COL5A2: variants seen among roughly 807,000 people sequenced by gnomAD.
COL5A2 encodes the protein collagen alpha-2(V) chain.
Under a neutral mutation model 208.2 loss-of-function variants are expected in COL5A2, and 23 were observed. The observed-to-expected ratio is 0.11, with a 90% CI of 0.08 to 0.16. COL5A2 has a LOEUF of 0.16. COL5A2 is among the 10% of genes least tolerant of loss of function. COL5A2 has a pLI of 1.00. For synonymous variants in COL5A2, 625 were observed against 628.5 expected, an observed-to-expected ratio of 0.99 and a Z score of 0.08; for missense variants, 1,590 against 1,956.4, an observed-to-expected ratio of 0.81 and a Z score of 3.53.
At chr2:189,406,530 C>T in the COL5A2 span, among the ~76,000 whole-genome samples, 9 of 152,114 alleles carry the variant, frequency 5.9e-5, no homozygotes, top group Non-Finnish European at 8.8e-5. Flanking sequence ...TCAAGTTCTT[C>T]TCCCTGCTAA....
the COL5A2 span, among the ~76,000 whole-genome samples, chr2:189,371,848 A>T: frequency 6.6e-6 from 1 of 152,248 alleles, no homozygotes; most frequent in Non-Finnish European, 1.5e-5. Context: ...CATTTTCAGG[A>T]TTGGAATACA....
the COL5A2 span, among the ~76,000 whole-genome samples, chr2:189,415,746 G>T: frequency 6.6e-6 from 1 of 152,068 alleles, no homozygotes; most frequent in Admixed American, 6.5e-5. Flanking sequence ...TGCAAGCTCC[G>T]CCTCCCAGGT....
the COL5A2 span, among the ~76,000 whole-genome samples, chr2:189,359,107 T>A: frequency 6.6e-6 from 1 of 152,196 alleles, no homozygotes; most frequent in Non-Finnish European, 1.5e-5. Flanking sequence ...ATTATTATGA[T>A]GAGTAGAAGT....
chr2:189,179,993 C>A, upstream of COL5A2: 1 of 423,918 alleles, frequency 2.4e-6, no homozygotes, highest in South Asian at 6.6e-5. Context: ...ACATTTGTTT[C>A]TCTTTTCTTT....
At chr2:189,187,709 G>A (rs555116496) in intron 1 of COL5A2, among the ~76,000 whole-genome samples, 94 of 152,070 alleles carry the variant, frequency 6.2e-4, no homozygotes, top group Non-Finnish European at 1.2e-3. Context: ...GGTGGCTCAC[G>A]CCTGTAATCC....
At chr2:189,252,625 G>T in the COL5A2 span, among the ~76,000 whole-genome samples, 3 of 151,938 alleles carry the variant, frequency 2.0e-5, no homozygotes, top group African/African-American at 7.3e-5. Flanking sequence ...GGTGGGGGGA[G>T]TGGGGAGGGA....
chr2:189,302,813 G>A, the COL5A2 span, among the ~76,000 whole-genome samples: 1 of 152,108 alleles, frequency 6.6e-6, no homozygotes, highest in South Asian at 2.1e-4. Flanking sequence ...TAGCTGGCTA[G>A]GTTATCAGAT....
chr2:189,277,551 G>A, the COL5A2 span, among the ~76,000 whole-genome samples: 1 of 152,190 alleles, frequency 6.6e-6, no homozygotes, highest in African/African-American at 2.4e-5. Flanking sequence ...TTAAGAATCA[G>A]GGGATGCAGG....
chr2:189,048,160 T>A (rs1260287019), intron 45 of COL5A2, 49 bp downstream of exon 45: 1 of 1,556,020 alleles, frequency 6.4e-7, no homozygotes, highest in Non-Finnish European at 8.9e-7. Flanking sequence ...TTAAAAAGAT[T>A]TCAGATTTGC....
chr2:189,233,433 A>C, the COL5A2 span, among the ~76,000 whole-genome samples: 2 of 151,742 alleles, frequency 1.3e-5, no homozygotes, highest in Non-Finnish European at 2.9e-5. Context: ...AAATGCTGTA[A>C]ATAGTCAACT....
upstream of COL5A2, among the ~76,000 whole-genome samples, chr2:189,180,928 T>A (rs1483711573): frequency 1.3e-5 from 2 of 152,156 alleles, no homozygotes; most frequent in Non-Finnish European, 2.9e-5. Context: ...ACAATACAAG[T>A]GAGTCAATTG....
chr2:189,256,241 G>A, the COL5A2 span, among the ~76,000 whole-genome samples: 6 of 152,162 alleles, frequency 3.9e-5, no homozygotes, highest in African/African-American at 1.4e-4. Flanking sequence ...TGTGTTTTGA[G>A]AGCACTATCC....
At chr2:189,334,512 G>A in the COL5A2 span, among the ~76,000 whole-genome samples, 1 of 151,822 alleles carries the variant, frequency 6.6e-6, no homozygotes, top group Non-Finnish European at 1.5e-5. Flanking sequence ...AAAATTACAT[G>A]CGAAAGACTA....
the COL5A2 span, among the ~76,000 whole-genome samples, chr2:189,370,120 C>T: frequency 1.3e-5 from 2 of 152,008 alleles, no homozygotes; most frequent in Non-Finnish European, 1.5e-5. Context: ...TAATTTTCTC[C>T]GTCATCTCAT....
At chr2:189,233,166 A>T in the COL5A2 span, among the ~76,000 whole-genome samples, 6 of 151,754 alleles carry the variant, frequency 4.0e-5, no homozygotes. Flanking sequence ...ACATATGGTC[A>T]TTATACAGAG....
At chr2:189,291,192 G>T in the COL5A2 span, among the ~76,000 whole-genome samples, 17 of 151,958 alleles carry the variant, frequency 1.1e-4, no homozygotes, top group South Asian at 2.1e-4. Context: ...TTGATTTTAT[G>T]CACTTTGGGT....
the COL5A2 span, among the ~76,000 whole-genome samples, chr2:189,400,497 TA>T: frequency 9.2e-5 from 14 of 152,328 alleles, no homozygotes; most frequent in African/African-American, 1.7e-4. Flanking sequence ...TTTTACAGGA[TA>T]TTTTTTTGCA....
At chr2:189,046,186 CA>C (rs1234553682) in intron 45 of COL5A2, among the ~76,000 whole-genome samples, 1 of 152,216 alleles carries the variant, frequency 6.6e-6, no homozygotes, top group East Asian at 1.9e-4. Flanking sequence ...TGATCACCTC[CA>C]GAATTTAACA....
chr2:189,052,853 T>C, intron 39 of COL5A2, 51 bp from the exon 40 acceptor site: 1 of 1,611,678 alleles, frequency 6.2e-7, no homozygotes. Flanking sequence ...AGAGGCTGAA[T>C]GTACACTCCA....
Sources: allele counts gnomAD v4.1 joint callset (sites outside exome capture counted in the v4.1 genomes callset), GRCh38; gene constraint gnomAD v4.1.1; transcripts MANE v1.5; gene names NCBI Gene and HGNC (gene_info 2026-07-23, HGNC 2026-07-21).